The following ASTN2 variants were observed in gnomAD, a reference collection of about 807,000 sequenced individuals.
ASTN2 encodes astrotactin-2.
Under a neutral mutation model 139.8 loss-of-function variants are expected in ASTN2, and 54 were observed. The observed-to-expected ratio is 0.39, with a 90% CI of 0.31 to 0.48. ASTN2 has a LOEUF of 0.48. Ranked by LOEUF, ASTN2 falls within the 20% of genes least tolerant of loss-of-function variation. The probability of loss-of-function intolerance (pLI) is 0.95; values close to 1 mark genes in which losing one functional copy is unlikely to be tolerated. For synonymous variants in ASTN2, 756 were observed against 719.5 expected, an observed-to-expected ratio of 1.05 and a Z score of -0.81; for missense variants, 1,565 against 1,725.1, an observed-to-expected ratio of 0.91 and a Z score of 1.64.
chr9:117,226,165 C>G (rs1017539361), intron 2 of ASTN2, among the ~76,000 whole-genome samples: 1 of 152,160 alleles, frequency 6.6e-6, no homozygotes, highest in Non-Finnish European at 1.5e-5. Context: ...GAAGAACATG[C>G]CCATCCAATC....
At chr9:116,667,411 T>C (rs921432819) in intron 16 of ASTN2, among the ~76,000 whole-genome samples, 6 of 152,276 alleles carry the variant, frequency 3.9e-5, no homozygotes, top group African/African-American at 1.4e-4. Context: ...GAAGGAATAA[T>C]ATAATGCTGT....
intron 10 of ASTN2, among the ~76,000 whole-genome samples, chr9:116,960,983 C>G (rs1835860201): frequency 6.7e-6 from 1 of 149,244 alleles, no homozygotes; most frequent in South Asian, 2.2e-4. Context: ...TCCGGTCACA[C>G]CTAGGAGGAG....
chr9:116,725,010 C>G (rs1264360283), intron 16 of ASTN2, among the ~76,000 whole-genome samples: 2 of 152,104 alleles, frequency 1.3e-5, no homozygotes, highest in East Asian at 3.9e-4. Flanking sequence ...ATACACTGAC[C>G]TATTAAAACA....
chr9:116,872,236 G>A (rs1448999949), intron 10 of ASTN2, among the ~76,000 whole-genome samples: 2 of 152,276 alleles, frequency 1.3e-5, no homozygotes, highest in South Asian at 2.1e-4. Flanking sequence ...CTTAAACCCT[G>A]AGCCTCAATT....
chr9:117,024,352 T>C (rs988691231), intron 6 of ASTN2, among the ~76,000 whole-genome samples: 7 of 152,162 alleles, frequency 4.6e-5, no homozygotes, highest in African/African-American at 1.7e-4. Flanking sequence ...TTGCAACCAA[T>C]AATTCAATAA....
Position 116,860,687 on chromosome 9 carries a change from T to C in ASTN2, c.2040+2896A>G, listed in dbSNP as rs567008825. Among the ~76,000 whole-genome samples, 14 of 152,288 alleles carry C rather than the reference T, an allele frequency of 9.2e-5. No individual in the cohort carries two copies. In the South Asian group the frequency reaches 2.9e-3, roughly 32 times the overall value. ...TGGCAGAAGGACTGATAGTGAGACA[T>C]GGTCTTGGTCCTCCACCCTGCCACC... On this transcript the variant is annotated intron_variant, in intron 11 of 22. Transcript: ENST00000313400.
At chr9:117,141,840 T>C (rs1830083058) in intron 3 of ASTN2, among the ~76,000 whole-genome samples, 1 of 152,176 alleles carries the variant, frequency 6.6e-6, no homozygotes, top group Non-Finnish European at 1.5e-5. Context: ...TTGTGCAATA[T>C]TTTTGCAATA....
chr9:116,800,790 G>A lies in ASTN2; in HGVS notation c.2396+4842C>T, dbSNP rs534755372. ...CAGTTATATTATTTCCTGAGCTTCC[G>A]TTTCTCCATCTGTACAAGTAAGGTC... On this transcript the variant is annotated intron_variant, in intron 13 of 22. Coordinates refer to ENST00000313400, the MANE Select transcript of ASTN2 (RefSeq NM_001365068.1). Among the ~76,000 whole-genome samples the A allele has an allele frequency of 2.9e-4, 44 of 152,268 alleles. 1 individual carries two copies. The South Asian group carries it at 8.5e-3, about 29-fold the overall frequency.
chr9:117,119,764 C>T (rs1009581394), intron 4 of ASTN2, among the ~76,000 whole-genome samples: 2 of 151,824 alleles, frequency 1.3e-5, no homozygotes, highest in Non-Finnish European at 2.9e-5. Flanking sequence ...CAGAGACTGA[C>T]AAAAATGAGG....
intron 2 of ASTN2, among the ~76,000 whole-genome samples, chr9:117,226,179 T>C (rs1206023130): frequency 6.6e-6 from 1 of 152,208 alleles, no homozygotes; most frequent in Non-Finnish European, 1.5e-5. Flanking sequence ...TCCAATCAAG[T>C]ACACTCTTGC....
intron 1 of ASTN2, among the ~76,000 whole-genome samples, chr9:117,398,659 C>T (rs575317434): frequency 6.6e-6 from 1 of 152,344 alleles, no homozygotes; most frequent in South Asian, 2.1e-4. Flanking sequence ...TTCCCATAAG[C>T]ATTCCAGCAA....
At chr9:116,597,466 G>A (rs2093324) in intron 19 of ASTN2, among the ~76,000 whole-genome samples, 56,624 of 151,566 alleles carry the variant, frequency 0.37, 11,276 homozygotes, top group East Asian at 0.7. Flanking sequence ...CTAATTTTTT[G>A]TATTTAGTAG....
intron 20 of ASTN2, among the ~76,000 whole-genome samples, chr9:116,468,706 G>A (rs1237700149): frequency 6.6e-6 from 1 of 152,148 alleles, no homozygotes; most frequent in East Asian, 1.9e-4. Flanking sequence ...TGTCAACTGA[G>A]CAGCCGGCTC....
chr9:117,285,838 C>A (rs1045030104), intron 2 of ASTN2, among the ~76,000 whole-genome samples: 2 of 152,254 alleles, frequency 1.3e-5, no homozygotes, highest in East Asian at 3.9e-4. Flanking sequence ...AATACAAATC[C>A]GTGGCATTTT....
At chr9:117,328,337 G>T (rs1434463605) in intron 1 of ASTN2, among the ~76,000 whole-genome samples, 1 of 152,132 alleles carries the variant, frequency 6.6e-6, no homozygotes, top group African/African-American at 2.4e-5. Context: ...CTCAGCCTAG[G>T]AGGATAGAAT....
intron 7 of ASTN2, among the ~76,000 whole-genome samples, chr9:116,985,193 T>C (rs1836641448): frequency 6.6e-6 from 1 of 152,168 alleles, no homozygotes; most frequent in African/African-American, 2.4e-5. Context: ...TTCTTCCTTA[T>C]ACTGCTGGTG....
At chr9:116,443,181 G>T (rs567306098) in intron 20 of ASTN2, among the ~76,000 whole-genome samples, 1 of 152,292 alleles carries the variant, frequency 6.6e-6, no homozygotes, top group Admixed American at 6.5e-5. Context: ...TCCTGAAGAA[G>T]AAACTTCAGG....
At chr9:117,031,461 C>A (rs116508878) in intron 6 of ASTN2, among the ~76,000 whole-genome samples, 1 of 152,038 alleles carries the variant, frequency 6.6e-6, no homozygotes, top group African/African-American at 2.4e-5. Flanking sequence ...AGCCTTTTAG[C>A]GGGCATCAAG....
chr9:116,577,313 G>C (rs111931424), intron 19 of ASTN2, among the ~76,000 whole-genome samples: 1 of 152,160 alleles, frequency 6.6e-6, no homozygotes, highest in Non-Finnish European at 1.5e-5. Flanking sequence ...TGAATTGCTT[G>C]AGCTCAAGAG....
Sources: gnomAD v4.1 joint callset for allele counts (sites outside exome capture counted in the v4.1 genomes callset) on GRCh38, gnomAD v4.1.1 for gene constraint, MANE v1.5 for transcripts, NCBI Gene and HGNC (gene_info 2026-07-23, HGNC 2026-07-21) for gene names.